The following TSPAN33 variants were observed in gnomAD, a reference collection of about 807,000 sequenced individuals.
The protein encoded by TSPAN33 is tetraspanin 33.
A neutral mutation model predicts 34.8 loss-of-function variants in TSPAN33; 27 were observed. The observed-to-expected ratio is 0.78, with a 90% confidence interval of 0.57 to 1.07. The LOEUF (loss-of-function observed/expected upper bound fraction) is 1.07, where lower values mean the gene tolerates loss of function less well. TSPAN33 is among the 50% of genes least tolerant of loss of function. The pLI, the probability that TSPAN33 is intolerant of heterozygous loss-of-function variation, is 0.00. For missense variants in TSPAN33, 272 were observed against 324.9 expected (o/e 0.84, Z 1.25); for synonymous variants, 119 against 124.2 (o/e 0.96, Z 0.28).
intron 1 of TSPAN33, among the ~76,000 whole-genome samples, chr7:129,153,822 T>C (rs1810633145): frequency 6.6e-6 from 1 of 151,888 alleles, no homozygotes; most frequent in African/African-American, 2.4e-5. Context: ...GTGTCTGTAG[T>C]CCCAGCTACT....
Position 129,148,168 on chromosome 7 carries a change from C to T in TSPAN33, c.102+3086C>T, listed in dbSNP as rs1270395390. On this transcript the variant is annotated intron_variant, in intron 1 of 7. Coordinates refer to ENST00000486685, the MANE Select transcript of TSPAN33 (RefSeq NM_178562.5). The surrounding 1 kb of genome is among the most constrained non-coding windows in gnomAD (Gnocchi z 4.2). ...GTCAGGAATATTCAGTGCCGCCCAC[C>T]TCCTTCCTCGCTGGTCCTTTTCCCA... Among the ~76,000 whole-genome samples, 5 of 152,164 alleles carry T rather than the reference C, an allele frequency of 3.3e-5. No individual in the cohort carries two copies. Among genetic ancestry groups the T allele is most frequent in the African/African-American group, 1.2e-4 (5 of 41,418 alleles).
In TSPAN33 at chr7:129,167,329, A is replaced by G; in HGVS notation, c.589-70A>G. 1.3e-6 allele frequency: 2 copies of G among 1,533,794 alleles called. No homozygotes were observed. The highest frequency in any genetic ancestry group is 1.2e-5 in the South Asian group (1 of 80,758). ...GGAGTTTGGGAAGGGTGGGAAGCCCATCAGCTAAGGCCCCAAACAAAAAGT... is the reference window on the plus strand; with the variant it reads ...GGAGTTTGGGAAGGGTGGGAAGCCCGTCAGCTAAGGCCCCAAACAAAAAGT... On this transcript the variant is annotated intron_variant, in intron 6 of 7. Coordinates refer to ENST00000486685, the MANE Select transcript of TSPAN33 (RefSeq NM_178562.5). This position sits in a 1 kb window ranked among gnomAD's most constrained non-coding sequence, Gnocchi z 4.6.
intron 1 of TSPAN33, among the ~76,000 whole-genome samples, chr7:129,150,321 C>T (rs1810575730): frequency 6.6e-6 from 1 of 152,180 alleles, no homozygotes; most frequent in South Asian, 2.1e-4. Flanking sequence ...TGAGCCACCT[C>T]CTGGGCCCTG....
chr7:129,160,506 G>C (rs1793031525), intron 1 of TSPAN33, among the ~76,000 whole-genome samples: 3 of 152,218 alleles, frequency 2.0e-5, no homozygotes, highest in East Asian at 3.8e-4. Flanking sequence ...AGGCCTGGGG[G>C]CTAGGGGGTA....
At position 129,167,879 on chromosome 7, in the gene TSPAN33, C is replaced by T; in HGVS notation, c.*5C>T. ...CGGGCTGACCCATGGTACTGAGAAT[C>T]CATCCTGCACCTCCTCACCATGGAA... On this transcript the variant is annotated 3_prime_UTR_variant, in exon 8 of 8. Coordinates refer to ENST00000486685, the MANE Select transcript of TSPAN33 (RefSeq NM_178562.5). This position sits in a 1 kb window ranked among gnomAD's most constrained non-coding sequence, Gnocchi z 4.6. 6.2e-7 allele frequency: 1 copy of T among 1,613,570 alleles called. No individual in the cohort carries two copies. Among genetic ancestry groups the T allele is most frequent in the East Asian group, 2.2e-5 (1 of 44,864 alleles).
chr7:129,166,243 A>G (rs1016867675), intron 5 of TSPAN33, among the ~76,000 whole-genome samples: 1 of 152,080 alleles, frequency 6.6e-6, no homozygotes, highest in Non-Finnish European at 1.5e-5. Context: ...CCTGGCCAAA[A>G]AAGTTAACTT....
rs1364294887 is a variant in TSPAN33 at position 129,165,238 on chromosome 7, C to T, written c.459+669C>T. On this transcript the variant is annotated intron_variant, in intron 5 of 7. Coordinates refer to ENST00000486685, the MANE Select transcript of TSPAN33 (RefSeq NM_178562.5). The surrounding 1 kb of genome is among the most constrained non-coding windows in gnomAD (Gnocchi z 4.5). ...TCAAACACTAACTCCCCATTTTCCT[C>T]TCTTGAAACTTTGTATCCATTAAAC... Among the ~76,000 whole-genome samples, 1 of 152,198 alleles carries T rather than the reference C, an allele frequency of 6.6e-6. No individual in the cohort carries two copies. The highest frequency in any genetic ancestry group is 1.5e-5 in the Non-Finnish European group (1 of 68,044).
Position 129,169,622 on chromosome 7 carries a change from G to C in TSPAN33, c.*1748G>C, listed in dbSNP as rs1311686139. ...AAGGCGCCTTTCCAGCAGCCGCTGGGACCCTGGCCAGTGTTTAGCTCCCAA... is the reference window on the plus strand; with the variant it reads ...AAGGCGCCTTTCCAGCAGCCGCTGGCACCCTGGCCAGTGTTTAGCTCCCAA... On this transcript the variant is annotated 3_prime_UTR_variant, in exon 8 of 8. Coordinates refer to ENST00000486685, the MANE Select transcript of TSPAN33 (RefSeq NM_178562.5). The C allele has an allele frequency of 1.3e-5, 2 of 152,260 alleles. No individual in the cohort carries two copies. The highest frequency in any genetic ancestry group is 2.4e-5 in the African/African-American group (1 of 41,470). The allele number at this position is 152,260 out of a possible 1,614,324, so 9.4% of individuals were successfully genotyped here.
intron 1 of TSPAN33, among the ~76,000 whole-genome samples, chr7:129,145,569 C>T (rs749388431): frequency 7.9e-5 from 12 of 151,782 alleles, no homozygotes; most frequent in Admixed American, 2.6e-4. Context: ...CCTCCACCCC[C>T]CCAAAGTCTA....
intron 4 of TSPAN33, among the ~76,000 whole-genome samples, chr7:129,163,786 C>G (rs1170868795): frequency 1.3e-5 from 2 of 152,122 alleles, no homozygotes; most frequent in South Asian, 4.2e-4. Context: ...GCCAACATGG[C>G]GAATCCCTGT....
chr7:129,162,761 C>T, intron 3 of TSPAN33, 72 bp from the exon 4 acceptor site: 2 of 1,537,482 alleles, frequency 1.3e-6, no homozygotes, highest in Non-Finnish European at 1.8e-6. Flanking sequence ...CAGCTCCCAG[C>T]ATCCCCTTGG....
Position 129,168,842 on chromosome 7 carries a change from C to G in TSPAN33, c.*968C>G, listed in dbSNP as rs966244039. The G allele has an allele frequency of 3.6e-5, 4 of 110,744 alleles. No individual in the cohort carries two copies. The East Asian group carries it at 7.4e-4, about 21-fold the overall frequency. The allele number at this position is 110,744 out of a possible 1,614,324, so 6.9% of individuals were successfully genotyped here. On this transcript the variant is annotated 3_prime_UTR_variant, in exon 8 of 8. Transcript: ENST00000486685. ...GCGTGTTGACCTGGGCTACGCGGGA[C>G]TCCATGAATTTTCCATTCTGGCAAC... is the stretch of plus-strand genomic sequence containing the variant.
chr7:129,163,895 C>T (rs1409777627), intron 4 of TSPAN33, among the ~76,000 whole-genome samples: 2 of 151,892 alleles, frequency 1.3e-5, no homozygotes, highest in East Asian at 3.9e-4. Flanking sequence ...AAGCTGAGAT[C>T]GCGCCACTAC....
At chr7:129,164,338 C>A (rs1251987580) in intron 4 of TSPAN33, 136 bp from the exon 5 acceptor site, 5 of 759,214 alleles carry the variant, frequency 6.6e-6, no homozygotes, top group South Asian at 4.8e-5. Flanking sequence ...CGGCTATCTT[C>A]CACCATTAGG....
Position 129,144,985 on chromosome 7 carries a change from C to A in TSPAN33, c.5C>A (p.Ala2Glu), listed in dbSNP as rs1418824026. M[A>E]RRPRAPAASG... ...GGCGGTGGCGGCGGCGGGGCCATGG[C>A]GCGGAGACCCCGGGCGCCGGCCGCC... Residue 2 changes from alanine (A) to glutamate (E), a missense_variant, in exon 1 of 8, where the codon GCG (alanine) becomes GAG (glutamate). Ala to Glu is a moderately radical substitution (Grantham distance 107). Coordinates refer to ENST00000486685, the MANE Select transcript of TSPAN33 (RefSeq NM_178562.5). The A allele has an allele frequency of 3.1e-6, 2 of 646,098 alleles. No homozygotes were observed. Among genetic ancestry groups the A allele is most frequent in the Non-Finnish European group, 5.7e-6 (2 of 353,892 alleles). 40.0% of individuals were successfully genotyped at this position (646,098 alleles called of 1,614,324 possible).
chr7:129,151,334 G>A (rs992937652), intron 1 of TSPAN33, among the ~76,000 whole-genome samples: 1 of 151,938 alleles, frequency 6.6e-6, no homozygotes, highest in Non-Finnish European at 1.5e-5. Flanking sequence ...GCCCAGACTG[G>A]TCTTCAAATC....
intron 1 of TSPAN33, among the ~76,000 whole-genome samples, chr7:129,156,853 G>T (rs978031507): frequency 2.6e-4 from 40 of 152,120 alleles, no homozygotes; most frequent in African/African-American, 9.7e-4. Flanking sequence ...TCATTACAAG[G>T]TGATCATTCA....
intron 1 of TSPAN33, among the ~76,000 whole-genome samples, chr7:129,158,646 G>T (rs1198782148): frequency 1.3e-5 from 2 of 152,184 alleles, no homozygotes; most frequent in East Asian, 1.9e-4. Context: ...GGATTAATCT[G>T]CTTAGGATAA....
In TSPAN33 at chr7:129,148,989, A is replaced by C. The variant is rs1371354003; in HGVS notation, c.102+3907A>C. ...CTAAGTGGCAGGGGCCCTTTCTGCC[A>C]TCCAACCCCCTCATCCTATACTTCC... On this transcript the variant is annotated intron_variant, in intron 1 of 7. Coordinates refer to ENST00000486685, the MANE Select transcript of TSPAN33 (RefSeq NM_178562.5). This position sits in a 1 kb window ranked among gnomAD's most constrained non-coding sequence, Gnocchi z 4.2. Among the ~76,000 whole-genome samples, 1 of 152,248 alleles carries C rather than the reference A, an allele frequency of 6.6e-6. No homozygotes were observed. Among genetic ancestry groups the C allele is most frequent in the Middle Eastern group, 3.4e-3 (1 of 294 alleles).
Sources: gnomAD v4.1 joint callset for allele counts (sites outside exome capture counted in the v4.1 genomes callset) on GRCh38, gnomAD v4.1.1 for gene constraint, Gnocchi (gnomAD v3.1) non-coding constraint, MANE v1.5 for transcripts, NCBI Gene and HGNC (gene_info 2026-07-23, HGNC 2026-07-21) for gene names.